ERBB4: variants seen among roughly 807,000 people sequenced by gnomAD.
The protein encoded by ERBB4 is receptor tyrosine-protein kinase erbB-4.
A neutral mutation model predicts 158.0 loss-of-function variants in ERBB4; 42 were observed. The ratio of observed to expected loss-of-function variants is 0.27; its 90% CI spans 0.21 to 0.34. The LOEUF (loss-of-function observed/expected upper bound fraction) is 0.34, where lower values mean the gene tolerates loss of function less well. Among genes scored for constraint, ERBB4 ranks in the 10% least tolerant of loss-of-function variants. ERBB4 has a pLI of 1.00. For synonymous variants in ERBB4, 583 were observed against 558.7 expected (o/e 1.04, Z -0.61); for missense variants, 1,333 against 1,624.1 (o/e 0.82, Z 3.08).
chr2:211,992,268 C>T (rs938539701), intron 2 of ERBB4, among the ~76,000 whole-genome samples: 3 of 152,022 alleles, frequency 2.0e-5, no homozygotes, highest in Non-Finnish European at 2.9e-5. Flanking sequence ...AGAATCATGG[C>T]AGGAGGTGAA....
At chr2:212,489,581 A>C (rs745585996) in intron 1 of ERBB4, among the ~76,000 whole-genome samples, 5 of 151,930 alleles carry the variant, frequency 3.3e-5, no homozygotes, top group Non-Finnish European at 7.4e-5. Context: ...AAGAAATATA[A>C]ATATTTATCT....
chr2:212,122,347 C>A (rs1559539205), intron 2 of ERBB4, among the ~76,000 whole-genome samples: 1 of 148,522 alleles, frequency 6.7e-6, no homozygotes, highest in Admixed American at 6.8e-5. Flanking sequence ...TGAATGGGTA[C>A]ATGTCATAAT....
chr2:212,211,335 T>C (rs1280443648), intron 1 of ERBB4, among the ~76,000 whole-genome samples: 3 of 152,046 alleles, frequency 2.0e-5, no homozygotes, highest in Non-Finnish European at 4.4e-5. Flanking sequence ...ATCGCACACA[T>C]ACATACTCAG....
chr2:211,717,977 C>T (rs568819639), intron 7 of ERBB4, among the ~76,000 whole-genome samples: 47 of 152,130 alleles, frequency 3.1e-4, no homozygotes, highest in East Asian at 1.7e-3. Context: ...TGCATGATCC[C>T]GACTCACTGC....
intron 3 of ERBB4, among the ~76,000 whole-genome samples, chr2:211,836,880 A>T (rs2077355255): frequency 6.6e-6 from 1 of 152,026 alleles, no homozygotes; most frequent in Non-Finnish European, 1.5e-5. Context: ...TTTAATAAGA[A>T]ATTATGTGTA....
intron 20 of ERBB4, among the ~76,000 whole-genome samples, chr2:211,473,910 T>C (rs555833945): frequency 6.6e-6 from 1 of 152,176 alleles, no homozygotes; most frequent in African/African-American, 2.4e-5. Context: ...GCCAGAAATT[T>C]GAAGTTTGTG....
intron 2 of ERBB4, among the ~76,000 whole-genome samples, chr2:211,951,405 T>C (rs776671617): frequency 2.6e-5 from 4 of 152,216 alleles, no homozygotes; most frequent in Non-Finnish European, 5.9e-5. Flanking sequence ...CTCTAGAATG[T>C]GTGATAGGTA....
chr2:212,398,659 C>T (rs1560211227), intron 1 of ERBB4, among the ~76,000 whole-genome samples: 1 of 151,982 alleles, frequency 6.6e-6, no homozygotes, highest in African/African-American at 2.4e-5. Context: ...GTTTTTGTTA[C>T]TAAAACAATT....
chr2:212,220,178 GA>G (rs1386173826), intron 1 of ERBB4, among the ~76,000 whole-genome samples: 3 of 151,406 alleles, frequency 2.0e-5, no homozygotes, highest in Non-Finnish European at 4.4e-5. Context: ...CTCAGGCAAT[GA>G]GAATTGCAGT....
chr2:211,614,563 A>G (rs918132483), intron 19 of ERBB4, among the ~76,000 whole-genome samples: 1 of 152,086 alleles, frequency 6.6e-6, no homozygotes, highest in Non-Finnish European at 1.5e-5. Context: ...TACCCACAAA[A>G]ATTAAGAATA....
At chr2:211,495,437 T>C (rs192389805) in intron 20 of ERBB4, among the ~76,000 whole-genome samples, 3 of 152,148 alleles carry the variant, frequency 2.0e-5, no homozygotes, top group Non-Finnish European at 2.9e-5. Context: ...TATAAGGATA[T>C]GTAAAAACAA....
At chr2:211,569,859 T>A (rs2067662174) in intron 19 of ERBB4, among the ~76,000 whole-genome samples, 1 of 152,208 alleles carries the variant, frequency 6.6e-6, no homozygotes, top group African/African-American at 2.4e-5. Flanking sequence ...GATTTATTCA[T>A]AAATCTTTTA....
chr2:212,481,712 GTCT>G (rs1689707642), intron 1 of ERBB4, among the ~76,000 whole-genome samples: 2 of 152,150 alleles, frequency 1.3e-5, no homozygotes, highest in South Asian at 4.1e-4. Flanking sequence ...TTTGGAAAAT[GTCT>G]TCAGCAGCAT....
chr2:212,489,298 T>G (rs1337999794), intron 1 of ERBB4, among the ~76,000 whole-genome samples: 1 of 151,954 alleles, frequency 6.6e-6, no homozygotes, highest in Admixed American at 6.6e-5. Context: ...CAGCTCATTC[T>G]TAGTTGTTTT....
intron 3 of ERBB4, among the ~76,000 whole-genome samples, chr2:211,810,585 C>T (rs1182921214): frequency 6.6e-6 from 1 of 150,470 alleles, no homozygotes; most frequent in African/African-American, 2.4e-5. Context: ...CTATGTGTGT[C>T]TCTGCATGTG....
At chr2:211,580,902 T>C (rs1161599829) in intron 19 of ERBB4, among the ~76,000 whole-genome samples, 438 of 5,672 alleles carry the variant, frequency 0.077, 84 homozygotes, top group African/African-American at 0.37. Flanking sequence ...TATATATATA[T>C]ATATATATAT....
intron 1 of ERBB4, among the ~76,000 whole-genome samples, chr2:212,209,592 G>A (rs984128233): frequency 1.1e-4 from 17 of 152,134 alleles, no homozygotes; most frequent in African/African-American, 4.1e-4. Flanking sequence ...TATTAGCAGT[G>A]TTATGAACTG....
rs1033585663 is a variant in ERBB4 at position 211,461,888 on chromosome 2, T to TA, written c.2488-30789dup. Among the ~76,000 whole-genome samples the TA allele has an allele frequency of 9.0e-3, 1,316 of 145,496 alleles. 14 individuals are homozygous for TA. Among genetic ancestry groups the TA allele is most frequent in the African/African-American group, 0.022 (859 of 39,806 alleles). ...GTGTATTAGTTCCTACACTGCTATT[T>TA]AAAAAAAAAAACAATAAAACAACAA... On this transcript the variant is annotated intron_variant, in intron 20 of 27. Transcript: ENST00000342788.
intron 4 of ERBB4, among the ~76,000 whole-genome samples, chr2:211,755,249 C>A (rs1282539054): frequency 1.3e-5 from 2 of 152,180 alleles, no homozygotes; most frequent in East Asian, 1.9e-4. Flanking sequence ...TGTCTGTAAT[C>A]CCAGCACTTT....
Sources: gnomAD v4.1 joint callset for allele counts (sites outside exome capture counted in the v4.1 genomes callset) on GRCh38, gnomAD v4.1.1 for gene constraint, MANE v1.5 for transcripts, NCBI Gene and HGNC (gene_info 2026-07-23, HGNC 2026-07-21) for gene names.